Variants in ARNT2 observed in about 807,000 individuals in gnomAD.
The protein encoded by ARNT2 is ARNT protein 2.
Under a neutral mutation model 91.7 loss-of-function variants are expected in ARNT2, and 36 were observed. The ratio of observed to expected loss-of-function variants is 0.39; its 90% confidence interval spans 0.30 to 0.52. ARNT2 has a LOEUF of 0.52. Ranked by LOEUF, ARNT2 falls within the 20% of genes least tolerant of loss-of-function variation. The pLI is 0.72. For missense variants in ARNT2, 775 were observed against 939.3 expected (o/e 0.83, Z 2.29); for synonymous variants, 365 against 347.1 (o/e 1.05, Z -0.57).
intron 8 of ARNT2, among the ~76,000 whole-genome samples, chr15:80,539,405 A>G (rs982251260): frequency 6.6e-6 from 1 of 152,158 alleles, no homozygotes; most frequent in Admixed American, 6.5e-5. Flanking sequence ...TTAATTTTTA[A>G]TGGAGAAATA....
intron 6 of ARNT2, among the ~76,000 whole-genome samples, chr15:80,511,056 G>A (rs550945510): frequency 2.0e-5 from 3 of 152,078 alleles, no homozygotes; most frequent in South Asian, 2.1e-4. Flanking sequence ...AAATCATTCT[G>A]TTATAAAGAC....
At chr15:80,552,842 T>A in intron 10 of ARNT2, 68 bp downstream of exon 10, 6 of 1,554,940 alleles carry the variant, frequency 3.9e-6, no homozygotes, top group Non-Finnish European at 5.3e-6. Context: ...CATTCTTACT[T>A]CATTTGAGAT....
intron 8 of ARNT2, among the ~76,000 whole-genome samples, chr15:80,517,390 G>A (rs1286594564): frequency 6.6e-6 from 1 of 151,896 alleles, no homozygotes; most frequent in African/African-American, 2.4e-5. Context: ...CTTTATGTTT[G>A]GTCTCCTTCA....
chr15:80,477,972 CTT>C (rs1202343485), intron 5 of ARNT2, among the ~76,000 whole-genome samples: 1 of 152,174 alleles, frequency 6.6e-6, no homozygotes, highest in Non-Finnish European at 1.5e-5. Context: ...AAGACAGTGT[CTT>C]TTTCTCCTGG....
Position 80,424,754 on chromosome 15 carries a change from C to A in ARNT2, c.31+20208C>A, listed in dbSNP as rs576927395. Among the ~76,000 whole-genome samples the A allele has an allele frequency of 2.1e-5, 3 of 144,796 alleles. No homozygotes were observed. The Admixed American group carries it at 2.1e-4, about 10-fold the overall frequency. 95.0% of individuals were successfully genotyped at this position (144,796 alleles called of 152,430 possible). On this transcript the variant is annotated intron_variant, in intron 1 of 18. Coordinates refer to ENST00000303329, the MANE Select transcript of ARNT2 (RefSeq NM_014862.4). Reference sequence around the variant, plus strand: ...TGGTTTGTTGACAAAACAGTTTATACTGTTTTCTTCCAAAACAGCCCTCAA... The same window carrying A: ...TGGTTTGTTGACAAAACAGTTTATAATGTTTTCTTCCAAAACAGCCCTCAA...
At chr15:80,461,815 T>C (rs902994779) in intron 3 of ARNT2, among the ~76,000 whole-genome samples, 1 of 152,170 alleles carries the variant, frequency 6.6e-6, no homozygotes, top group Non-Finnish European at 1.5e-5. Context: ...AGCCAGCCTT[T>C]CTTCCTGGGC....
In ARNT2 at chr15:80,578,041, G is replaced by A. The variant is rs532379581; in HGVS notation, c.1613+1076G>A. On this transcript the variant is annotated intron_variant, in intron 15 of 18. Transcript: ENST00000303329. ...CCTCCAGACTTCTCTTGGCTGCTGA[G>A]TTACTCAGCTACTCAGCACGCACTG... Among the ~76,000 whole-genome samples the A allele has an allele frequency of 7.9e-5, 12 of 152,320 alleles. No homozygotes were observed. In the South Asian group the frequency reaches 2.5e-3, roughly 32 times the overall value.
chr15:80,512,843 A>T (rs1897364999), intron 6 of ARNT2, among the ~76,000 whole-genome samples: 1 of 152,168 alleles, frequency 6.6e-6, no homozygotes, highest in Non-Finnish European at 1.5e-5. Context: ...TTGCTCTTTG[A>T]AGTGCCAGGT....
chr15:80,545,186 C>T (rs906874389), intron 8 of ARNT2, among the ~76,000 whole-genome samples: 1 of 152,220 alleles, frequency 6.6e-6, no homozygotes, highest in African/African-American at 2.4e-5. Context: ...TTCCTTATTG[C>T]TTTGGGGCTC....
At chr15:80,458,085 A>G in intron 3 of ARNT2, 109 bp downstream of exon 3, 2 of 1,166,952 alleles carry the variant, frequency 1.7e-6, no homozygotes, top group African/African-American at 1.5e-5. Context: ...CATTGCCTGC[A>G]GTTTGACTGG....
Position 80,575,030 on chromosome 15 carries a change from AG to A in ARNT2, c.1434del (p.Lys478AsnfsTer32). On this transcript the variant is annotated frameshift_variant, in exon 14 of 19. Coordinates refer to ENST00000303329, the MANE Select transcript of ARNT2 (RefSeq NM_014862.4). LOFTEE classifies it high-confidence loss of function. The part of the protein sequence containing the change: ...NLPAGVHEAG[K>X]SVEKADAIFS... ...CCAGCCGGTGTTCATGAGGCCGGGA[AG>A]TCCGTGGAAAAGGCGGATGCAATCT... 6.2e-7 allele frequency: 1 copy of A among 1,614,236 alleles called. No individual in the cohort carries two copies. The highest frequency in any genetic ancestry group is 8.5e-7 in the Non-Finnish European group (1 of 1,180,044).
chr15:80,483,845 G>A (rs1896926609), intron 5 of ARNT2, among the ~76,000 whole-genome samples: 2 of 152,220 alleles, frequency 1.3e-5, no homozygotes, highest in South Asian at 2.1e-4. Flanking sequence ...AGGCAGCTGG[G>A]CCTTCTTCCT....
At chr15:80,451,643 TAACC>T (rs936258757) in intron 2 of ARNT2, among the ~76,000 whole-genome samples, 8 of 151,700 alleles carry the variant, frequency 5.3e-5, no homozygotes, top group South Asian at 2.1e-4. Context: ...ACCAACCAAC[TAACC>T]AACCAACCAA....
chr15:80,458,143 C>T (rs760316056), intron 3 of ARNT2, among the ~76,000 whole-genome samples, 167 bp downstream of exon 3: 7 of 152,002 alleles, frequency 4.6e-5, no homozygotes, highest in African/African-American at 7.2e-5. Context: ...TAGCTATTAG[C>T]GACCCTGCCA....
At chr15:80,466,563 C>T (rs1388094910) in intron 3 of ARNT2, among the ~76,000 whole-genome samples, 2 of 152,192 alleles carry the variant, frequency 1.3e-5, no homozygotes, top group African/African-American at 2.4e-5. Flanking sequence ...CCAGGCAGAC[C>T]CCAAATTGTC....
chr15:80,551,151 C>A, intron 8 of ARNT2, 48 bp from the exon 9 acceptor site: 2 of 1,551,130 alleles, frequency 1.3e-6, no homozygotes, highest in Middle Eastern at 1.7e-4. Context: ...TCTTCTTTCC[C>A]ATTCACCTTG....
intron 6 of ARNT2, among the ~76,000 whole-genome samples, chr15:80,511,301 T>C (rs1273289285): frequency 6.6e-6 from 1 of 152,136 alleles, no homozygotes; most frequent in East Asian, 1.9e-4. Flanking sequence ...CCGCATATTC[T>C]CACTTACAAG....
chr15:80,551,164 C>G (rs1423980393), intron 8 of ARNT2, 35 bp from the exon 9 acceptor site: 1 of 1,582,406 alleles, frequency 6.3e-7, no homozygotes, highest in South Asian at 1.1e-5. Flanking sequence ...TCACCTTGGG[C>G]ATATTGTTGA....
chr15:80,408,153 C>T (rs1267861272), intron 1 of ARNT2, among the ~76,000 whole-genome samples: 1 of 152,118 alleles, frequency 6.6e-6, no homozygotes, highest in Non-Finnish European at 1.5e-5. Flanking sequence ...GGAAGATTCT[C>T]TGGACAAATT....
Sources: allele counts gnomAD v4.1 joint callset (sites outside exome capture counted in the v4.1 genomes callset), GRCh38; gene constraint gnomAD v4.1.1; transcripts MANE v1.5; gene names NCBI Gene and HGNC (gene_info 2026-07-23, HGNC 2026-07-21).